Variants in RFC3 observed in about 807,000 individuals in gnomAD.
The protein encoded by RFC3 is A1 38 kDa subunit.
RFC3 carries 41 observed loss-of-function variants against 45.1 expected under a neutral mutation model. That is an observed-to-expected ratio of 0.91 (90% CI 0.71 to 1.18). The LOEUF (loss-of-function observed/expected upper bound fraction) is 1.18. RFC3 is among the 50% of genes most tolerant of loss of function. The pLI is 0.00. For synonymous variants in RFC3, 149 were observed against 144.0 expected, an observed-to-expected ratio of 1.03 and a Z score of -0.25; for missense variants, 423 against 428.1, an observed-to-expected ratio of 0.99 and a Z score of 0.10.
At chr13:33,912,909 T>C (rs115852015) in intron 8 of RFC3, among the ~76,000 whole-genome samples, 1,885 of 151,876 alleles carry the variant, frequency 0.012, 26 homozygotes, top group African/African-American at 0.043. Flanking sequence ...AATAACTGGG[T>C]GTGTGGGTGG....
intron 8 of RFC3, among the ~76,000 whole-genome samples, chr13:33,888,993 C>T (rs2137627145): frequency 6.6e-6 from 1 of 152,300 alleles, no homozygotes; most frequent in Middle Eastern, 3.4e-3. Context: ...ATCCAGCCAC[C>T]TCGGCCTCCC....
At chr13:33,887,368 C>A (rs1434592925) in intron 8 of RFC3, among the ~76,000 whole-genome samples, 3 of 151,612 alleles carry the variant, frequency 2.0e-5, no homozygotes. Flanking sequence ...TTTTGATTTG[C>A]GTTTCTCTGA....
intron 8 of RFC3, among the ~76,000 whole-genome samples, chr13:33,870,075 A>G (rs556941995): frequency 1.3e-5 from 2 of 152,352 alleles, no homozygotes; most frequent in East Asian, 3.9e-4. Context: ...CCTAGAATCT[A>G]GTTCTTAAAG....
At chr13:33,846,073 A>T (rs2139454972) in intron 8 of RFC3, 1 of 152,288 alleles carries the variant, frequency 6.6e-6, no homozygotes, top group South Asian at 2.1e-4. Flanking sequence ...AATTCCCTAG[A>T]TTACTAATCA....
intron 8 of RFC3, among the ~76,000 whole-genome samples, chr13:33,857,774 G>T (rs9598195): frequency 6.6e-6 from 1 of 151,936 alleles, no homozygotes; most frequent in Non-Finnish European, 1.5e-5. Flanking sequence ...TCTGTTCTGG[G>T]TACTAGGAAT....
chr13:33,948,982 T>C (rs1216545102), intron 8 of RFC3, among the ~76,000 whole-genome samples: 1 of 152,178 alleles, frequency 6.6e-6, no homozygotes, highest in Admixed American at 6.5e-5. Context: ...TGGAGTGAGT[T>C]AAGACTTTGG....
intron 8 of RFC3, among the ~76,000 whole-genome samples, chr13:33,938,410 C>T (rs2082902152): frequency 1.3e-5 from 2 of 151,766 alleles, no homozygotes; most frequent in South Asian, 2.1e-4. Context: ...AATAATCAAC[C>T]GGATAATTTT....
At chr13:33,939,780 G>A (rs1255567460) in intron 8 of RFC3, among the ~76,000 whole-genome samples, 1 of 152,148 alleles carries the variant, frequency 6.6e-6, no homozygotes, top group Non-Finnish European at 1.5e-5. Context: ...GTCAGAATTG[G>A]ATTGAAGTTT....
downstream of RFC3, among the ~76,000 whole-genome samples, chr13:33,968,231 G>A (rs1324014498): frequency 2.0e-5 from 3 of 152,264 alleles, no homozygotes; most frequent in East Asian, 1.9e-4. Context: ...GGGTTCAAGC[G>A]ATTCTCCTGT....
intron 8 of RFC3, among the ~76,000 whole-genome samples, chr13:33,915,519 G>A (rs1032705659): frequency 6.6e-6 from 1 of 152,058 alleles, no homozygotes; most frequent in Middle Eastern, 3.2e-3. Flanking sequence ...CAATGAAGAA[G>A]GAAAATGCTG....
intron 8 of RFC3, among the ~76,000 whole-genome samples, chr13:33,947,951 C>T (rs938657010): frequency 2.0e-5 from 3 of 152,266 alleles, no homozygotes; most frequent in Admixed American, 2.0e-4. Flanking sequence ...AATGTGCAGC[C>T]TGGCGATGTG....
chr13:33,976,364 G>A, the RFC3 span, among the ~76,000 whole-genome samples: 1 of 152,284 alleles, frequency 6.6e-6, no homozygotes, highest in East Asian at 1.9e-4. Context: ...ATATGTGGAA[G>A]TGGATCTCAT....
chr13:33,870,450 C>T (rs1021401644), intron 8 of RFC3, among the ~76,000 whole-genome samples: 2 of 152,180 alleles, frequency 1.3e-5, no homozygotes, highest in African/African-American at 4.8e-5. Flanking sequence ...AAATATACAA[C>T]ATTTTGCAAC....
In RFC3 at chr13:33,927,988, C is replaced by T. The variant is rs545426755; in HGVS notation, c.880-38099C>T. On this transcript the variant is annotated intron_variant, in intron 8 of 8. Coordinates refer to the RFC3 transcript ENST00000434425. ...TCTACCATGGGCAAGGCACTGTTAA[C>T]ATCTAATAACTCATTTAGTCTTCCA... Among the ~76,000 whole-genome samples the T allele has an allele frequency of 2.0e-5, 3 of 152,236 alleles. No homozygotes were observed. The South Asian group carries it at 6.2e-4, about 32-fold the overall frequency.
rs141994265 is a variant in RFC3, at chr13:33,910,661, C to T, written c.880-55426C>T. On this transcript the variant is annotated intron_variant, in intron 8 of 8. Transcript: ENST00000434425. ...GGCAAAGAAGAACAGCACTTAAAAA[C>T]GCAATAGGCTATAAGAGCTCGAGGT... 5.9e-5 allele frequency among the ~76,000 whole-genome samples: 9 copies of T among 152,166 alleles called. No homozygotes were observed. In the East Asian group the frequency reaches 1.4e-3, roughly 23 times the overall value.
At chr13:33,866,832 G>T (rs1230545988) in intron 8 of RFC3, among the ~76,000 whole-genome samples, 4 of 152,144 alleles carry the variant, frequency 2.6e-5, no homozygotes, top group Non-Finnish European at 5.9e-5. Flanking sequence ...AGGAGGAATA[G>T]GTATTTAAAA....
chr13:33,898,180 G>A (rs539745427), intron 8 of RFC3, among the ~76,000 whole-genome samples: 33 of 151,984 alleles, frequency 2.2e-4, no homozygotes, highest in South Asian at 8.3e-4. Context: ...TTTACAAAAC[G>A]TTTCACCCAA....
chr13:33,903,345 G>C (rs1421953603), intron 8 of RFC3, among the ~76,000 whole-genome samples: 1 of 152,076 alleles, frequency 6.6e-6, no homozygotes, highest in African/African-American at 2.4e-5. Context: ...TCCATTATAA[G>C]TATTTCCACC....
intron 8 of RFC3, among the ~76,000 whole-genome samples, chr13:33,899,217 A>AAAAAAAAAAAAG (rs2082622676): frequency 6.7e-6 from 1 of 148,792 alleles, no homozygotes; most frequent in African/African-American, 2.4e-5. Context: ...AAAAAAAAAA[A>AAAAAAAAAAAAG]AAAAAAAAAA....
Sources: gnomAD v4.1 joint callset for allele counts (sites outside exome capture counted in the v4.1 genomes callset) on GRCh38, gnomAD v4.1.1 for gene constraint, MANE v1.5 for transcripts, NCBI Gene and HGNC (gene_info 2026-07-23, HGNC 2026-07-21) for gene names.